The following PRIM2 variants were observed in gnomAD, a reference collection of about 807,000 sequenced individuals.
PRIM2 encodes DNA primase subunit 2.
PRIM2 carries 39 observed loss-of-function variants against 67.3 expected under a neutral mutation model. That is an observed-to-expected ratio of 0.58 (90% CI 0.45 to 0.76). PRIM2 has a LOEUF of 0.76. Among genes scored for constraint, PRIM2 ranks in the 30% least tolerant of loss-of-function variants. PRIM2 has a pLI of 0.00. For synonymous variants in PRIM2, 143 were observed against 198.7 expected, an observed-to-expected ratio of 0.72 and a Z score of 2.36; for missense variants, 398 against 598.7, an observed-to-expected ratio of 0.66 and a Z score of 3.50.
the PRIM2 span, among the ~76,000 whole-genome samples, chr6:57,279,817 T>C: frequency 3.3e-5 from 5 of 152,166 alleles, no homozygotes; most frequent in Non-Finnish European, 5.9e-5. Flanking sequence ...AGTATGGTAC[T>C]ATGGTAGCAT....
At chr6:57,482,590 T>A (rs1237082786) in intron 7 of PRIM2, among the ~76,000 whole-genome samples, 1 of 151,972 alleles carries the variant, frequency 6.6e-6, no homozygotes, top group African/African-American at 2.4e-5. Context: ...GGATTTTTTC[T>A]TTTTTTAAAC....
chr6:57,539,807 A>T lies in PRIM2; in HGVS notation c.1020+2182A>T, dbSNP rs1445147799. Among the ~76,000 whole-genome samples, 22 of 152,214 alleles carry T rather than the reference A, an allele frequency of 1.4e-4. No homozygotes were observed. In the South Asian group the frequency reaches 4.6e-3, roughly 32 times the overall value. The stretch of plus-strand genomic sequence containing the variant: ...TCAGGAGTTCAAGACCAGCCTGGCC[A>T]ACATGGTGAAATACCGTCTCTACTA... On this transcript the variant is annotated intron_variant, in intron 10 of 13. Coordinates refer to ENST00000615550, the MANE Select transcript of PRIM2 (RefSeq NM_000947.5).
At chr6:57,556,566 G>T (rs1775517562) in intron 10 of PRIM2, among the ~76,000 whole-genome samples, 1 of 152,172 alleles carries the variant, frequency 6.6e-6, no homozygotes, top group Non-Finnish European at 1.5e-5. Flanking sequence ...GTAGTGCTGG[G>T]ATAACTGACT....
the PRIM2 span, among the ~76,000 whole-genome samples, chr6:57,247,556 T>C: frequency 6.6e-6 from 1 of 152,178 alleles, no homozygotes; most frequent in Non-Finnish European, 1.5e-5. Flanking sequence ...CCATGAGAAA[T>C]AGCAAAAACT....
At chr6:57,466,236 GTTGGT>G (rs1773186649) in intron 7 of PRIM2, among the ~76,000 whole-genome samples, 1 of 152,182 alleles carries the variant, frequency 6.6e-6, no homozygotes, top group African/African-American at 2.4e-5. Flanking sequence ...GGACATTTGG[GTTGGT>G]TCCAAGTCTT....
At chr6:57,420,445 G>T (rs1771427816) in intron 7 of PRIM2, among the ~76,000 whole-genome samples, 1 of 152,186 alleles carries the variant, frequency 6.6e-6, no homozygotes, top group South Asian at 2.1e-4. Flanking sequence ...GGAGGTTGCG[G>T]TGAGCTGAGA....
rs541117066 is a variant in PRIM2, at chr6:57,421,387, A to G, written c.693+39219A>G. 7.9e-5 allele frequency among the ~76,000 whole-genome samples: 12 copies of G among 152,308 alleles called. No homozygotes were observed. The South Asian group carries it at 1.2e-3, about 16-fold the overall frequency. On this transcript the variant is annotated intron_variant, in intron 7 of 13. Transcript: ENST00000615550. Reference sequence around the variant, plus strand: ...ATCAGGCTAGTTGTTAAGTTTGTCTATTTGAGTAATGGCACTGATATATCA... The same window carrying G: ...ATCAGGCTAGTTGTTAAGTTTGTCTGTTTGAGTAATGGCACTGATATATCA...
intron 8 of PRIM2, among the ~76,000 whole-genome samples, chr6:57,522,898 C>A (rs1357038774): frequency 3.3e-5 from 5 of 152,152 alleles, no homozygotes; most frequent in Non-Finnish European, 5.9e-5. Context: ...ACTTTGGACA[C>A]TTCCTAAAAA....
chr6:57,297,357 G>A, the PRIM2 span, among the ~76,000 whole-genome samples: 4 of 152,012 alleles, frequency 2.6e-5, no homozygotes, highest in Non-Finnish European at 5.9e-5. Context: ...CAGGAGAATC[G>A]CTTGAACCTG....
chr6:57,434,690 T>C (rs1470109282), intron 7 of PRIM2, among the ~76,000 whole-genome samples: 2 of 152,208 alleles, frequency 1.3e-5, no homozygotes, highest in Admixed American at 6.5e-5. Flanking sequence ...CATTTAACTA[T>C]CTTCCTCCAC....
At chr6:57,340,794 CATGT>C (rs1359807101) in intron 5 of PRIM2, among the ~76,000 whole-genome samples, 1 of 152,082 alleles carries the variant, frequency 6.6e-6, no homozygotes, top group African/African-American at 2.4e-5. Flanking sequence ...CAGCATGGCA[CATGT>C]ATACATATGT....
At chr6:57,263,442 G>A in the PRIM2 span, among the ~76,000 whole-genome samples, 4 of 152,236 alleles carry the variant, frequency 2.6e-5, no homozygotes, top group Non-Finnish European at 4.4e-5. Flanking sequence ...GCTTAGAGCC[G>A]CTTCACTCAA....
intron 5 of PRIM2, among the ~76,000 whole-genome samples, chr6:57,340,189 TA>T (rs999954432): frequency 6.6e-6 from 1 of 152,088 alleles, no homozygotes; most frequent in Non-Finnish European, 1.5e-5. Flanking sequence ...TGGCAGTCAT[TA>T]AAAAATCAGG....
rs1399467982 is a variant in PRIM2, at chr6:57,592,209, A to G, written c.1021-8884A>G. ...AAGAAGAAGGGTTGAAAAATTACCT[A>G]TTGGGTACTTTGTTCACTACTTGGG... On this transcript the variant is annotated intron_variant, in intron 10 of 13. Coordinates refer to ENST00000615550, the MANE Select transcript of PRIM2 (RefSeq NM_000947.5). 5.9e-5 allele frequency among the ~76,000 whole-genome samples: 9 copies of G among 152,306 alleles called. No individual in the cohort carries two copies. The East Asian group carries it at 1.5e-3, about 26-fold the overall frequency.
intron 13 of PRIM2, among the ~76,000 whole-genome samples, chr6:57,636,090 T>G (rs1336675203): frequency 2.0e-5 from 3 of 152,174 alleles, no homozygotes; most frequent in Non-Finnish European, 4.4e-5. Flanking sequence ...ATCCAAATGC[T>G]TCACAGAATT....
At chr6:57,597,397 G>A (rs1776386036) in intron 10 of PRIM2, among the ~76,000 whole-genome samples, 1 of 151,002 alleles carries the variant, frequency 6.6e-6, no homozygotes, top group Non-Finnish European at 1.5e-5. Flanking sequence ...TAAACCTTTA[G>A]GTAAAGGTTC....
intron 8 of PRIM2, among the ~76,000 whole-genome samples, chr6:57,515,477 A>G (rs1426176759): frequency 6.6e-6 from 1 of 152,258 alleles, no homozygotes; most frequent in Non-Finnish European, 1.5e-5. Context: ...TAAAAATGCC[A>G]TCTTGCCCAA....
chr6:57,588,112 A>G (rs1377043144), intron 10 of PRIM2, among the ~76,000 whole-genome samples: 4 of 152,136 alleles, frequency 2.6e-5, no homozygotes, highest in Non-Finnish European at 4.4e-5. Context: ...GGGAAGTCAG[A>G]CAAAACCATT....
chr6:57,603,578 C>T (rs1200338269), intron 11 of PRIM2, among the ~76,000 whole-genome samples: 2 of 151,976 alleles, frequency 1.3e-5, no homozygotes, highest in Non-Finnish European at 2.9e-5. Context: ...GTTTTGGTTA[C>T]AATAGCCTTA....
Sources: allele counts gnomAD v4.1 joint callset (sites outside exome capture counted in the v4.1 genomes callset), GRCh38; gene constraint gnomAD v4.1.1; transcripts MANE v1.5; gene names NCBI Gene and HGNC (gene_info 2026-07-23, HGNC 2026-07-21).